BMP6: variants seen among roughly 807,000 people sequenced by gnomAD.
The protein encoded by BMP6 is bone morphogenetic protein 6, also known as VG-1-R.
In BMP6, 17 loss-of-function variants were observed where a neutral mutation model predicts 54.1. The ratio of observed to expected loss-of-function variants is 0.31; its 90% CI spans 0.22 to 0.47. The LOEUF is 0.47. Ranked by LOEUF, BMP6 falls within the 20% of genes least tolerant of loss-of-function variation. The probability of loss-of-function intolerance (pLI) is 1.00; values close to 1 mark genes in which losing one functional copy is unlikely to be tolerated. For synonymous variants in BMP6, 328 were observed against 291.2 expected, an observed-to-expected ratio of 1.13 and a Z score of -1.28; for missense variants, 720 against 690.4, an observed-to-expected ratio of 1.04 and a Z score of -0.48.
At chr6:7,742,646 G>A (rs1390005878) in intron 1 of BMP6, among the ~76,000 whole-genome samples, 1 of 152,156 alleles carries the variant, frequency 6.6e-6, no homozygotes, top group Non-Finnish European at 1.5e-5. Flanking sequence ...AAACAGATGT[G>A]CATTATTGCT....
Position 7,766,120 on chromosome 6 carries a change from A to G in BMP6, c.664+38501A>G, listed in dbSNP as rs141714705. Among the ~76,000 whole-genome samples, 280 of 152,204 alleles carry G rather than the reference A, an allele frequency of 1.8e-3. 2 individuals carry two copies. The highest frequency in any genetic ancestry group is 6.5e-3 in the African/African-American group (270 of 41,498). On this transcript the variant is annotated intron_variant, in intron 1 of 6. Transcript: ENST00000283147. ...TTCTCCATCGGCCACAATAAACTTAATGTCTTCACAATGACTCACAGTTTT... is the reference window on the plus strand; with the variant it reads ...TTCTCCATCGGCCACAATAAACTTAGTGTCTTCACAATGACTCACAGTTTT...
intron 1 of BMP6, among the ~76,000 whole-genome samples, chr6:7,777,835 C>T (rs1581243508): frequency 6.6e-6 from 1 of 151,810 alleles, no homozygotes; most frequent in Non-Finnish European, 1.5e-5. Context: ...CTGGCTTGGG[C>T]GGCAGTGGGA....
At chr6:7,843,042 T>C (rs1023250661) in intron 1 of BMP6, among the ~76,000 whole-genome samples, 2 of 152,238 alleles carry the variant, frequency 1.3e-5, no homozygotes, top group African/African-American at 2.4e-5. Flanking sequence ...TGATAACATA[T>C]CAAACTTAAA....
rs58802022 is a variant in BMP6 at position 7,739,721 on chromosome 6, C to T, written c.664+12102C>T. Among the ~76,000 whole-genome samples, 363 of 152,244 alleles carry T rather than the reference C, an allele frequency of 2.4e-3. 3 individuals carry two copies. The highest frequency in any genetic ancestry group is 8.5e-3 in the African/African-American group (352 of 41,556). ...ATTTGGGGAGGTTACTCTTTCCTTC[C>T]CACTGTCTTCTCTGCCCTTGTGGTC... On this transcript the variant is annotated intron_variant, in intron 1 of 6. Transcript: ENST00000283147.
At chr6:7,836,511 G>C (rs1018505444) in intron 1 of BMP6, among the ~76,000 whole-genome samples, 2 of 152,174 alleles carry the variant, frequency 1.3e-5, no homozygotes, top group Admixed American at 1.3e-4. Context: ...GCCAATGTCA[G>C]TTTCCTGGTT....
rs1294213620 is a variant in BMP6 at position 7,845,968 on chromosome 6, G to A, written c.857+636G>A. Among the ~76,000 whole-genome samples the A allele has an allele frequency of 2.0e-5, 3 of 152,212 alleles. No homozygotes were observed. In the East Asian group the frequency reaches 5.8e-4, roughly 29 times the overall value. ...CCATGGAACAATTGCTGGAGGACTG[G>A]AAGGGCTGAGGGATGAAGTTTTATA... is the stretch of plus-strand genomic sequence containing the variant. On this transcript the variant is annotated intron_variant, in intron 2 of 6. Coordinates refer to ENST00000283147, the MANE Select transcript of BMP6 (RefSeq NM_001718.6).
chr6:7,831,342 G>A (rs1256113826), intron 1 of BMP6, among the ~76,000 whole-genome samples: 3 of 152,206 alleles, frequency 2.0e-5, no homozygotes, highest in Admixed American at 6.5e-5. Flanking sequence ...GCTTTGTGTA[G>A]AGGCGATGAA....
At chr6:7,839,809 T>G (rs1201056918) in intron 1 of BMP6, among the ~76,000 whole-genome samples, 2 of 152,260 alleles carry the variant, frequency 1.3e-5, no homozygotes, top group African/African-American at 4.8e-5. Flanking sequence ...CTTTTAATGC[T>G]TTTGCATATA....
intron 1 of BMP6, among the ~76,000 whole-genome samples, chr6:7,809,450 C>T (rs1232952077): frequency 6.6e-6 from 1 of 152,062 alleles, no homozygotes; most frequent in Non-Finnish European, 1.5e-5. Flanking sequence ...AAGAACAGCC[C>T]AGAAGAATTG....
chr6:7,785,866 C>T (rs879382791), intron 1 of BMP6, among the ~76,000 whole-genome samples: 3 of 152,040 alleles, frequency 2.0e-5, no homozygotes, highest in Admixed American at 1.3e-4. Context: ...AATACAGCCA[C>T]GCTACAAGTT....
intron 1 of BMP6, among the ~76,000 whole-genome samples, chr6:7,765,442 C>A (rs188049061): frequency 6.2e-4 from 94 of 152,304 alleles, no homozygotes; most frequent in African/African-American, 2.0e-3. Context: ...TAGGTCAATC[C>A]TTGCTTGGTG....
rs1759706841 is a variant in BMP6, at chr6:7,880,779, C to T, written c.*436C>T. 2 of 194,890 alleles carry T rather than the reference C, an allele frequency of 1.0e-5. No individual in the cohort carries two copies. Among genetic ancestry groups the T allele is most frequent in the South Asian group, 2.1e-4 (2 of 9,432 alleles). 12.1% of individuals were successfully genotyped at this position (194,890 alleles called of 1,614,324 possible). ...TACTGTCTATCAAAGGTAGATTTTA[C>T]AGAGAACAGAAATCGGGGAAGTGGG... is the stretch of plus-strand genomic sequence containing the variant. On this transcript the variant is annotated 3_prime_UTR_variant, in exon 7 of 7. Transcript: ENST00000283147.
At chr6:7,730,177 C>T (rs1004182714) in intron 1 of BMP6, among the ~76,000 whole-genome samples, 1 of 152,158 alleles carries the variant, frequency 6.6e-6, no homozygotes, top group Non-Finnish European at 1.5e-5. Context: ...TCTGACTTTT[C>T]GTGGGCTACA....
At chr6:7,811,590 C>G (rs1305421701) in intron 1 of BMP6, among the ~76,000 whole-genome samples, 1 of 152,200 alleles carries the variant, frequency 6.6e-6, no homozygotes, top group Non-Finnish European at 1.5e-5. Context: ...TTATGAAGCA[C>G]TTTCCGTTCT....
intron 2 of BMP6, among the ~76,000 whole-genome samples, chr6:7,851,818 G>T (rs1401485055): frequency 6.6e-6 from 1 of 151,520 alleles, no homozygotes; most frequent in East Asian, 1.9e-4. Context: ...TTTAATTTTG[G>T]GACAATCATA....
intron 1 of BMP6, among the ~76,000 whole-genome samples, chr6:7,755,535 C>T (rs920760363): frequency 6.6e-6 from 1 of 152,042 alleles, no homozygotes; most frequent in Non-Finnish European, 1.5e-5. Context: ...GCCCATAATA[C>T]CCTGTTAGTG....
rs533027182 is a variant in BMP6, at chr6:7,783,040, A to C, written c.664+55421A>C. Among the ~76,000 whole-genome samples, 4 of 152,332 alleles carry C rather than the reference A, an allele frequency of 2.6e-5. No individual in the cohort carries two copies. In the South Asian group the frequency reaches 8.3e-4, roughly 32 times the overall value. ...AGTCAAATAGGAAAGGGTCAGAGTA[A>C]AAATAAGAGATAGGGAAATGCAGAC... On this transcript the variant is annotated intron_variant, in intron 1 of 6. Transcript: ENST00000283147.
chr6:7,833,065 A>G (rs1348245562), intron 1 of BMP6, among the ~76,000 whole-genome samples: 1 of 151,918 alleles, frequency 6.6e-6, no homozygotes, highest in Non-Finnish European at 1.5e-5. Context: ...ATGGGGCAAA[A>G]TGCGAGGCAG....
intron 1 of BMP6, among the ~76,000 whole-genome samples, chr6:7,839,937 T>C (rs1758940474): frequency 6.6e-6 from 1 of 152,252 alleles, no homozygotes; most frequent in Non-Finnish European, 1.5e-5. Context: ...ACAAGGGTTC[T>C]AGTTTCTCTA....
Sources: gnomAD v4.1 joint callset for allele counts (sites outside exome capture counted in the v4.1 genomes callset) on GRCh38, gnomAD v4.1.1 for gene constraint, MANE v1.5 for transcripts, NCBI Gene and HGNC (gene_info 2026-07-23, HGNC 2026-07-21) for gene names.